Variants in LAMP5 observed in about 807,000 individuals in gnomAD.
The protein encoded by LAMP5 is lysosome-associated membrane glycoprotein 5.
A neutral mutation model predicts 30.2 loss-of-function variants in LAMP5; 36 were observed. The observed-to-expected ratio is 1.19, with a 90% CI of 0.91 to 1.57. LAMP5 has a LOEUF of 1.57. Ranked by LOEUF, LAMP5 falls within the 40% of genes most tolerant of loss-of-function variation. LAMP5 has a pLI of 0.00. For missense variants in LAMP5, 377 were observed against 354.9 expected, an observed-to-expected ratio of 1.06 and a Z score of -0.50; for synonymous variants, 149 against 134.6, an observed-to-expected ratio of 1.11 and a Z score of -0.74.
At chr20:9,524,495 G>A (rs2045098786) in intron 5 of LAMP5, among the ~76,000 whole-genome samples, 2 of 146,894 alleles carry the variant, frequency 1.4e-5, no homozygotes, top group African/African-American at 5.0e-5. Context: ...TTTCCCGTGG[G>A]TCATAGGCAG....
intron 5 of LAMP5, 141 bp downstream of exon 5, chr20:9,518,369 C>A: frequency 1.4e-6 from 1 of 694,496 alleles, no homozygotes; most frequent in African/African-American, 1.8e-5. Flanking sequence ...TAATAATTTT[C>A]AAAGACTAAA....
chr20:9,515,032 T>C, intron 1 of LAMP5, 116 bp downstream of exon 1: 3 of 995,082 alleles, frequency 3.0e-6, no homozygotes, highest in Non-Finnish European at 4.6e-6. Flanking sequence ...TGTTTTGCGG[T>C]GTTTTTTCTT....
intron 5 of LAMP5, among the ~76,000 whole-genome samples, chr20:9,523,597 T>C (rs147890816): frequency 6.6e-6 from 1 of 152,128 alleles, no homozygotes; most frequent in African/African-American, 2.4e-5. Flanking sequence ...CATTTATTGT[T>C]TGTTTTGTCT....
At position 9,514,925 on chromosome 20, in the gene LAMP5, C is replaced by A; in HGVS notation, c.64+9C>A. ...TCTCCTGATGTTGTTCCGTGAGTAG[C>A]GATTTGGCGACTGGGAGAGAGGACG... On this transcript the variant is annotated intron_variant, in intron 1 of 5. Coordinates refer to ENST00000246070, the MANE Select transcript of LAMP5 (RefSeq NM_012261.4). The A allele has an allele frequency of 3.1e-6, 5 of 1,613,724 alleles. No homozygotes were observed. Among genetic ancestry groups the A allele is most frequent in the East Asian group, 4.5e-5 (2 of 44,868 alleles).
rs1348774726 is a variant in LAMP5, at chr20:9,515,985, C to A, written c.238-15C>A. On this transcript the variant is annotated splice_polypyrimidine_tract_variant and intron_variant, in intron 2 of 5. Transcript: ENST00000246070. Reference sequence around the variant, plus strand: ...CCGGGCGAGCTGAGGGGGCGCGGGGCGTCTGTGTTCCCAGCTGATCACAGA... The same window carrying A: ...CCGGGCGAGCTGAGGGGGCGCGGGGAGTCTGTGTTCCCAGCTGATCACAGA... The A allele has an allele frequency of 6.7e-7, 1 of 1,489,430 alleles. No individual in the cohort carries two copies. The highest frequency in any genetic ancestry group is 8.9e-7 in the Non-Finnish European group (1 of 1,120,988). The allele number at this position is 1,489,430 out of a possible 1,614,324, so 92.3% of individuals were successfully genotyped here.
Position 9,518,108 on chromosome 20 carries a change from T to C in LAMP5, c.544T>C (p.Cys182Arg), listed in dbSNP as rs1453503417. The change falls in exon 5 of 6, where the codon TGT becomes CGT. Residue 182 changes from cysteine to arginine, a missense_variant. Transcript: ENST00000246070. ...LVTPAGKSYECQAQQTISLAS... is the reference protein window; with the variant it reads ...LVTPAGKSYERQAQQTISLAS... ...CACCCCCGCTGGGAAGTCCTATGAG[T>C]GTCAAGCTCAACAAACCATTTCACT... The C allele has an allele frequency of 1.2e-6, 2 of 1,614,142 alleles. No individual in the cohort carries two copies. Among genetic ancestry groups the C allele is most frequent in the South Asian group, 2.2e-5 (2 of 91,082 alleles).
chr20:9,518,010 T>TGGGC, intron 4 of LAMP5, 30 bp from the exon 5 acceptor site: 1 of 1,599,140 alleles, frequency 6.3e-7, no homozygotes, highest in Non-Finnish European at 8.5e-7. Context: ...CAATGAGGGT[T>TGGGC]CTAACTATTG....
intron 1 of LAMP5, chr20:9,515,133 G>A (rs1235772724): frequency 1.7e-6 from 1 of 600,250 alleles, no homozygotes. Flanking sequence ...ATTCCAGACA[G>A]AGCCTAGACA....
chr20:9,524,899 G>C (rs563043038), intron 5 of LAMP5, among the ~76,000 whole-genome samples: 16 of 152,288 alleles, frequency 1.1e-4, no homozygotes, highest in African/African-American at 3.8e-4. Context: ...TCAGAGCTTT[G>C]TGGATTTTGA....
intron 5 of LAMP5, 41 bp from the exon 6 acceptor site, chr20:9,529,601 T>C: frequency 6.3e-7 from 1 of 1,586,668 alleles, no homozygotes; most frequent in Non-Finnish European, 8.6e-7. Context: ...ATTCAGGATG[T>C]TTTGACCAGA....
intron 4 of LAMP5, among the ~76,000 whole-genome samples, chr20:9,516,988 A>G (rs1346079114): frequency 6.6e-6 from 1 of 152,180 alleles, no homozygotes. Flanking sequence ...CTATCTGCAG[A>G]CACCGTCAAA....
At position 9,514,684 on chromosome 20, in the gene LAMP5, T is replaced by G; in HGVS notation, c.-169T>G. The G allele has an allele frequency of 3.5e-6, 2 of 569,292 alleles. No individual in the cohort carries two copies. The highest frequency in any genetic ancestry group is 6.2e-6 in the Non-Finnish European group (2 of 320,438). 35.3% of individuals were successfully genotyped at this position (569,292 alleles called of 1,614,324 possible). A position where few individuals can be genotyped will look rare whatever the true frequency, so the allele number is the denominator to read the frequency against. ...CTGCCAGCAGCTGTCGGTGCCGCGC[T>G]CGACACCGAGTCCTAGCTAGGCGCT... On this transcript the variant is annotated 5_prime_UTR_variant, in exon 1 of 6. Transcript: ENST00000246070.
At chr20:9,518,340 ATGACAC>A in intron 5 of LAMP5, 112 bp downstream of exon 5, 2 of 850,102 alleles carry the variant, frequency 2.4e-6, no homozygotes, top group East Asian at 5.0e-5. Flanking sequence ...CTAGGTTGAA[ATGACAC>A]TGCCTGCCTC....
intron 5 of LAMP5, among the ~76,000 whole-genome samples, chr20:9,524,259 C>T (rs2122842651): frequency 6.6e-6 from 1 of 152,186 alleles, no homozygotes; most frequent in East Asian, 1.9e-4. Flanking sequence ...CATTCATAAA[C>T]ATTATTCCGA....
rs2045022553 is a variant in LAMP5, at chr20:9,514,830, G to A, written c.-23G>A. 2 of 1,613,238 alleles carry A rather than the reference G, an allele frequency of 1.2e-6. No individual in the cohort carries two copies. The highest frequency in any genetic ancestry group is 2.2e-5 in the South Asian group (2 of 91,040). On this transcript the variant is annotated 5_prime_UTR_variant, in exon 1 of 6. Coordinates refer to ENST00000246070, the MANE Select transcript of LAMP5 (RefSeq NM_012261.4). ...GGCGGCCTCTGCAGCAGCACAGCCG[G>A]CCTCATTCGGGGCACTGCGAGTATG...
intron 4 of LAMP5, among the ~76,000 whole-genome samples, 193 bp downstream of exon 4, chr20:9,516,554 C>T (rs1294994936): frequency 6.6e-6 from 1 of 152,026 alleles, no homozygotes; most frequent in Non-Finnish European, 1.5e-5. Context: ...CTTGTAGATC[C>T]GCCAGGAACC....
rs968003473 is a variant in LAMP5 at position 9,516,289 on chromosome 20, A to G, written c.403A>G (p.Thr135Ala). 6.2e-7 allele frequency: 1 copy of G among 1,614,022 alleles called. No individual in the cohort carries two copies. The highest frequency in any genetic ancestry group is 1.3e-5 in the African/African-American group (1 of 74,906). The part of the protein sequence containing the change: ...SHNMSKGPEA[T>A]WRLSKVQFVY... ...CAACATGTCCAAGGGACCTGAGGCG[A>G]CTTGGAGGCTGAGCAAAGTGCAGTT... is the stretch of plus-strand genomic sequence containing the variant. The change falls in exon 4 of 6, where the codon ACT (threonine) becomes GCT (alanine). Residue 135 changes from threonine (T) to alanine (A), a missense_variant. Physicochemically the swap from Thr to Ala is moderately conservative, Grantham distance 58 (BLOSUM62 0). Transcript: ENST00000246070.
intron 5 of LAMP5, among the ~76,000 whole-genome samples, chr20:9,519,816 C>T (rs189485041): frequency 4.6e-5 from 7 of 152,282 alleles, no homozygotes; most frequent in East Asian, 1.9e-4. Context: ...TGTTACTAGG[C>T]GCTTCTTTAC....
intron 5 of LAMP5, among the ~76,000 whole-genome samples, chr20:9,521,992 G>A (rs2045082489): frequency 6.6e-6 from 1 of 152,148 alleles, no homozygotes; most frequent in African/African-American, 2.4e-5. Flanking sequence ...AAACAGAACT[G>A]CAGAAAGATA....
Sources: gnomAD v4.1 joint callset for allele counts (sites outside exome capture counted in the v4.1 genomes callset) on GRCh38, gnomAD v4.1.1 for gene constraint, MANE v1.5 for transcripts, NCBI Gene and HGNC (gene_info 2026-07-23, HGNC 2026-07-21) for gene names.